The following RAP1B variants were observed in gnomAD, a reference collection of about 807,000 sequenced individuals.
RAP1B encodes the protein ras-related protein Rap-1b.
Under a neutral mutation model 27.5 loss-of-function variants are expected in RAP1B, and 1 was observed. That is an observed-to-expected ratio of 0.04 (90% confidence interval 0.01 to 0.17). The LOEUF (loss-of-function observed/expected upper bound fraction) is 0.17, where lower values mean the gene tolerates loss of function less well. Ranked by LOEUF, RAP1B falls within the 10% of genes least tolerant of loss-of-function variation. The pLI, the probability that RAP1B is intolerant of heterozygous loss-of-function variation, is 1.00. For missense variants in RAP1B, 84 were observed against 214.8 expected, an observed-to-expected ratio of 0.39 and a Z score of 3.81; for synonymous variants, 75 against 73.1, an observed-to-expected ratio of 1.03 and a Z score of -0.13.
chr12:68,651,685 T>G (rs55713815), intron 3 of RAP1B: 2,872 of 280,898 alleles, frequency 0.01, 18 homozygotes, highest in South Asian at 0.018. Context: ...TTTGTTTATT[T>G]GAGCTATTTC....
At chr12:68,653,992 T>C in intron 4 of RAP1B, 120 bp from the exon 5 acceptor site, 1 of 878,998 alleles carries the variant, frequency 1.1e-6, no homozygotes, top group Middle Eastern at 2.9e-4. Flanking sequence ...GATTATAATT[T>C]TAACAAAGTT....
intron 1 of RAP1B, among the ~76,000 whole-genome samples, chr12:68,620,545 C>T (rs1305999717): frequency 1.3e-5 from 2 of 151,816 alleles, no homozygotes; most frequent in African/African-American, 4.8e-5. Context: ...ACATTTGTAG[C>T]AATCCTTGTT....
intron 1 of RAP1B, among the ~76,000 whole-genome samples, chr12:68,615,066 C>T (rs1436235150): frequency 6.6e-6 from 1 of 152,108 alleles, no homozygotes. Context: ...TTTTGTGCTG[C>T]CTTAAAAACA....
At chr12:68,642,733 C>G (rs878926696) in intron 1 of RAP1B, 3 of 1,075,910 alleles carry the variant, frequency 2.8e-6, no homozygotes, top group Non-Finnish European at 4.3e-6. Flanking sequence ...CATCCACCTG[C>G]GCAGTATATT....
intron 1 of RAP1B, among the ~76,000 whole-genome samples, chr12:68,629,142 A>G (rs1872048843): frequency 6.6e-6 from 1 of 152,160 alleles, no homozygotes; most frequent in Admixed American, 6.5e-5. Flanking sequence ...ATGCACCACC[A>G]TGCCCAGGTA....
intron 1 of RAP1B, among the ~76,000 whole-genome samples, chr12:68,630,931 TG>T (rs990298014): frequency 1.3e-5 from 2 of 151,974 alleles, no homozygotes; most frequent in Non-Finnish European, 2.9e-5. Flanking sequence ...AGCCTGAATT[TG>T]TTTTTTTTTT....
rs1353502122 is a variant in RAP1B at position 68,670,051 on chromosome 12, C to T, written c.*10802C>T. 1 of 148,666 alleles carries T rather than the reference C, an allele frequency of 6.7e-6. No homozygotes were observed. The highest frequency in any genetic ancestry group is 2.5e-5 in the African/African-American group (1 of 40,282). The allele number at this position is 148,666 out of a possible 1,614,324, so 9.2% of individuals were successfully genotyped here. A position where few individuals can be genotyped will look rare whatever the true frequency, so the allele number is the denominator to read the frequency against. On this transcript the variant is annotated 3_prime_UTR_variant, in exon 8 of 8. Transcript: ENST00000250559. ...TCCCAGGTTCAAGTGATTCTCCTGC[C>T]TCAGCCTCCCGAGTAGCTGGGATTA...
rs1258248040 is a variant in RAP1B, at chr12:68,661,157, T to C, written c.*1908T>C. 1.3e-5 allele frequency: 2 copies of C among 152,200 alleles called. No homozygotes were observed. Among genetic ancestry groups the C allele is most frequent in the Non-Finnish European group, 2.9e-5 (2 of 68,022 alleles). The allele number at this position is 152,200 out of a possible 1,614,324, so 9.4% of individuals were successfully genotyped here. A position where few individuals can be genotyped will look rare whatever the true frequency, so the allele number is the denominator to read the frequency against. ...TACACGCTGTTTGAATGATACATTT[T>C]TAAAGGCTTTCATGTTAAGAAAAAG... On this transcript the variant is annotated 3_prime_UTR_variant, in exon 8 of 8. Transcript: ENST00000250559.
Position 68,660,347 on chromosome 12 carries a change from A to T in RAP1B, c.*1098A>T, listed in dbSNP as rs1383951500. 1.3e-5 allele frequency: 2 copies of T among 148,722 alleles called. No individual in the cohort carries two copies. The highest frequency in any genetic ancestry group is 2.5e-5 in the African/African-American group (1 of 39,976). 9.2% of individuals were successfully genotyped at this position (148,722 alleles called of 1,614,324 possible). On this transcript the variant is annotated 3_prime_UTR_variant, in exon 8 of 8. Transcript: ENST00000250559. ...TATGCATTAATGTTTGGATGTAAAGATTGTGTGTCTATCCAACAGGGAGCC... is the reference window on the plus strand; with the variant it reads ...TATGCATTAATGTTTGGATGTAAAGTTTGTGTGTCTATCCAACAGGGAGCC...
At chr12:68,623,079 G>A (rs1353760848) in intron 1 of RAP1B, among the ~76,000 whole-genome samples, 1 of 152,132 alleles carries the variant, frequency 6.6e-6, no homozygotes, top group Non-Finnish European at 1.5e-5. Flanking sequence ...TGTCTCTTGA[G>A]GACTATTTGA....
chr12:68,663,202 T>TA lies in RAP1B; in HGVS notation c.*3954dup, dbSNP rs1874700724. 1 of 152,192 alleles carries TA rather than the reference T, an allele frequency of 6.6e-6. No homozygotes were observed. Among genetic ancestry groups the TA allele is most frequent in the Non-Finnish European group, 1.5e-5 (1 of 68,118 alleles). The allele number at this position is 152,192 out of a possible 1,614,324, so 9.4% of individuals were successfully genotyped here. On this transcript the variant is annotated 3_prime_UTR_variant, in exon 8 of 8. Transcript: ENST00000250559. ...CCTCAGCCTCCTGAATAGCTGGGAT[T>TA]ACAAGCATGCACCACCACGCCTGGC...
chr12:68,637,307 C>T (rs935784622), intron 1 of RAP1B, among the ~76,000 whole-genome samples: 7 of 151,914 alleles, frequency 4.6e-5, no homozygotes, highest in African/African-American at 1.7e-4. Context: ...ATTAAGACAC[C>T]AGCCTAGAGG....
At chr12:68,620,561 G>C (rs893872479) in intron 1 of RAP1B, among the ~76,000 whole-genome samples, 1 of 149,156 alleles carries the variant, frequency 6.7e-6, no homozygotes, top group African/African-American at 2.5e-5. Flanking sequence ...TTGTTAAACT[G>C]TTTTTATAAA....
At chr12:68,646,844 G>A (rs1018864067) in intron 1 of RAP1B, among the ~76,000 whole-genome samples, 1 of 152,256 alleles carries the variant, frequency 6.6e-6, no homozygotes, top group South Asian at 2.1e-4. Context: ...CGAAAACAAA[G>A]ACCTTTTTAT....
chr12:68,652,723 CAGG>C (rs1204979362), intron 4 of RAP1B, among the ~76,000 whole-genome samples: 4 of 152,274 alleles, frequency 2.6e-5, no homozygotes, highest in African/African-American at 7.2e-5. Context: ...GAGGCTGAGG[CAGG>C]AGAATAGCTT....
rs1874755120 is a variant in RAP1B at position 68,664,331 on chromosome 12, C to T, written c.*5082C>T. 6.6e-6 allele frequency: 1 copy of T among 152,162 alleles called. No individual in the cohort carries two copies. The highest frequency in any genetic ancestry group is 2.1e-4 in the South Asian group (1 of 4,828). 9.4% of individuals were successfully genotyped at this position (152,162 alleles called of 1,614,324 possible). A position where few individuals can be genotyped will look rare whatever the true frequency, so the allele number is the denominator to read the frequency against. ...TCCCCTGTGAGCACTAATTTCAGAA[C>T]AGGAAATTCTATTAACTGTCAAACT... On this transcript the variant is annotated 3_prime_UTR_variant, in exon 8 of 8. Coordinates refer to ENST00000250559, the MANE Select transcript of RAP1B (RefSeq NM_001010942.3).
intron 1 of RAP1B, among the ~76,000 whole-genome samples, chr12:68,617,321 A>G (rs148809415): frequency 9.2e-5 from 14 of 152,346 alleles, no homozygotes; most frequent in African/African-American, 2.9e-4. Flanking sequence ...ACATTGTGCC[A>G]ACATATTTGT....
intron 3 of RAP1B, chr12:68,650,670 A>AT: frequency 2.7e-6 from 1 of 370,534 alleles, no homozygotes; most frequent in East Asian, 6.0e-5. Flanking sequence ...TATTCACAGA[A>AT]TTTTTTGTAA....
In RAP1B at chr12:68,659,477, T is replaced by C. The variant is rs888393507; in HGVS notation, c.*228T>C. ...ATATAATAGTCCTAGAGTTTGCAGC[T>C]GGTAAAACCAGAGGCTACATCCAGT... On this transcript the variant is annotated 3_prime_UTR_variant, in exon 8 of 8. Coordinates refer to ENST00000250559, the MANE Select transcript of RAP1B (RefSeq NM_001010942.3). 2.9e-6 allele frequency: 1 copy of C among 346,504 alleles called. No homozygotes were observed. The highest frequency in any genetic ancestry group is 5.7e-6 in the Non-Finnish European group (1 of 176,950). 21.5% of individuals were successfully genotyped at this position (346,504 alleles called of 1,614,324 possible). A position where few individuals can be genotyped will look rare whatever the true frequency, so the allele number is the denominator to read the frequency against.
Sources: allele counts gnomAD v4.1 joint callset (sites outside exome capture counted in the v4.1 genomes callset), GRCh38; gene constraint gnomAD v4.1.1; transcripts MANE v1.5; gene names NCBI Gene and HGNC (gene_info 2026-07-23, HGNC 2026-07-21).